The following SHANK2 variants were observed in gnomAD, a reference collection of about 807,000 sequenced individuals.
SHANK2 encodes the protein SH3 and multiple ankyrin repeat domains protein 2.
In SHANK2, 43 loss-of-function variants were observed where a neutral mutation model predicts 133.7. The observed-to-expected ratio is 0.32, with a 90% CI of 0.25 to 0.41. The LOEUF is 0.41. SHANK2 is among the 10% of genes least tolerant of loss of function. The pLI is 1.00. For synonymous variants in SHANK2, 1,017 were observed against 952.8 expected (o/e 1.07, Z -1.24); for missense variants, 1,994 against 2,235.8 (o/e 0.89, Z 2.18).
intron 14 of SHANK2, among the ~76,000 whole-genome samples, chr11:70,736,837 G>A (rs1167001634): frequency 1.3e-5 from 2 of 152,172 alleles, no homozygotes; most frequent in African/African-American, 4.8e-5. Flanking sequence ...ATCTCCCTGG[G>A]GGTGAAGTGG....
intron 14 of SHANK2, among the ~76,000 whole-genome samples, chr11:70,706,456 G>C (rs2134547522): frequency 6.6e-6 from 1 of 152,292 alleles, no homozygotes. Context: ...CTCCAGCTGG[G>C]GATTGCCGAG....
At chr11:70,819,416 G>A (rs3017493) in intron 12 of SHANK2, among the ~76,000 whole-genome samples, 135,865 of 152,302 alleles carry the variant, frequency 0.89, 60,717 homozygotes, top group East Asian at 0.94. Flanking sequence ...GGCTGGAACC[G>A]ACACCAACCC....
intron 17 of SHANK2, among the ~76,000 whole-genome samples, chr11:70,584,690 T>C (rs2060225497): frequency 6.6e-6 from 1 of 152,168 alleles, no homozygotes; most frequent in African/African-American, 2.4e-5. Context: ...TCCCTCTGCC[T>C]CCTAATGGAC....
At chr11:70,742,622 T>G (rs1415964743) in intron 14 of SHANK2, among the ~76,000 whole-genome samples, 1 of 151,974 alleles carries the variant, frequency 6.6e-6, no homozygotes, top group Non-Finnish European at 1.5e-5. Context: ...ATCCAGCACT[T>G]CCCCGCATGA....
intron 11 of SHANK2, among the ~76,000 whole-genome samples, chr11:70,891,426 C>T (rs1006900484): frequency 7.9e-5 from 12 of 152,148 alleles, no homozygotes; most frequent in Middle Eastern, 3.4e-3. Flanking sequence ...GGCGTGAACC[C>T]GGGAGGCGGA....
chr11:71,213,006 G>A (rs188384602), intron 2 of SHANK2, among the ~76,000 whole-genome samples: 27 of 151,978 alleles, frequency 1.8e-4, no homozygotes, highest in African/African-American at 5.3e-4. Context: ...CACAGGGAGA[G>A]GAGCAGGGAC....
intron 6 of SHANK2, among the ~76,000 whole-genome samples, chr11:71,107,872 C>A (rs1354889192): frequency 1.3e-5 from 2 of 152,136 alleles, no homozygotes; most frequent in African/African-American, 2.4e-5. Flanking sequence ...TTACAGGGGG[C>A]ACATCAGGAA....
At chr11:70,546,933 C>T (rs782272446) in intron 17 of SHANK2, among the ~76,000 whole-genome samples, 12 of 152,196 alleles carry the variant, frequency 7.9e-5, no homozygotes, top group East Asian at 1.9e-4. Flanking sequence ...TCCATCTGTG[C>T]GCTTCCGTAT....
At position 70,492,479 on chromosome 11, in the gene SHANK2, G is replaced by A. The variant is rs372703016; in HGVS notation, c.2309-14C>T. The A allele has an allele frequency of 5.5e-5, 89 of 1,613,742 alleles. No homozygotes were observed. Among genetic ancestry groups the A allele is most frequent in the Middle Eastern group, 3.3e-4 (2 of 6,062 alleles). On this transcript the variant is annotated splice_polypyrimidine_tract_variant and intron_variant, in intron 21 of 25. Transcript: ENST00000601538. ...CCTCGGGTTTATCTGCAATAGAACCGTGAGGATTGGAGCAGCAACACCAGT... is the reference window on the plus strand; with the variant it reads ...CCTCGGGTTTATCTGCAATAGAACCATGAGGATTGGAGCAGCAACACCAGT...
chr11:71,089,717 C>G (rs993766477), intron 8 of SHANK2, among the ~76,000 whole-genome samples: 1 of 152,136 alleles, frequency 6.6e-6, no homozygotes, highest in Non-Finnish European at 1.5e-5. Context: ...CAGGAGACCT[C>G]TTGGGGACCC....
intron 15 of SHANK2, among the ~76,000 whole-genome samples, chr11:70,683,397 T>C (rs1448555729): frequency 6.6e-6 from 1 of 152,214 alleles, no homozygotes; most frequent in Non-Finnish European, 1.5e-5. Flanking sequence ...TCCGTGCTGC[T>C]TTTAACACTT....
intron 2 of SHANK2, among the ~76,000 whole-genome samples, chr11:71,168,244 G>T (rs1418332474): frequency 1.5e-5 from 2 of 135,436 alleles, no homozygotes; most frequent in Non-Finnish European, 3.2e-5. Flanking sequence ...GGGCAGAGAC[G>T]CTCCTCACTT....
intron 11 of SHANK2, among the ~76,000 whole-genome samples, chr11:70,862,243 G>A (rs1284820534): frequency 2.0e-5 from 3 of 152,330 alleles, no homozygotes; most frequent in Middle Eastern, 3.4e-3. Context: ...CTGCAAACCT[G>A]CTGCGATTAA....
chr11:70,922,888 C>T (rs909122334), intron 10 of SHANK2, among the ~76,000 whole-genome samples: 2 of 151,840 alleles, frequency 1.3e-5, no homozygotes, highest in Non-Finnish European at 1.5e-5. Flanking sequence ...ATACAACATC[C>T]CCTATACTTT....
chr11:70,870,411 T>C (rs1181395798), intron 11 of SHANK2, among the ~76,000 whole-genome samples: 3 of 152,056 alleles, frequency 2.0e-5, no homozygotes, highest in African/African-American at 4.8e-5. Context: ...AGGAAGGTTT[T>C]TGGGTTTTCA....
chr11:70,933,244 C>G lies in SHANK2; in HGVS notation c.1108-36677G>C, dbSNP rs575471889. On this transcript the variant is annotated intron_variant, in intron 10 of 25. Transcript: ENST00000601538. ...ATGGAGGAACCTTGAGGACACTGTA[C>G]TGAGTGAAATAAACCAGTCACAAAA... 101 of 455,986 alleles carry G rather than the reference C, an allele frequency of 2.2e-4. 1 individual carries two copies. The highest frequency in any genetic ancestry group is 3.9e-4 in the Non-Finnish European group (88 of 226,984). 28.2% of individuals were successfully genotyped at this position (455,986 alleles called of 1,614,324 possible).
chr11:71,234,165 G>C (rs1269802058), intron 1 of SHANK2, among the ~76,000 whole-genome samples: 1 of 112,876 alleles, frequency 8.9e-6, no homozygotes, highest in African/African-American at 3.6e-5. Context: ...GGCCAACATA[G>C]TGAAACTCCC....
chr11:70,889,599 G>A (rs1332966077), intron 11 of SHANK2, among the ~76,000 whole-genome samples: 12 of 152,208 alleles, frequency 7.9e-5, no homozygotes, highest in African/African-American at 1.9e-4. Flanking sequence ...ATTTGAAACC[G>A]CAGTTCCAGA....
intron 14 of SHANK2, among the ~76,000 whole-genome samples, chr11:70,794,568 A>G (rs1233028209): frequency 2.6e-5 from 4 of 152,100 alleles, no homozygotes; most frequent in Admixed American, 2.6e-4. Flanking sequence ...TATTTTATAT[A>G]TTTTTTGAGA....
Sources: allele counts gnomAD v4.1 joint callset (sites outside exome capture counted in the v4.1 genomes callset), GRCh38; gene constraint gnomAD v4.1.1; transcripts MANE v1.5; gene names NCBI Gene and HGNC (gene_info 2026-07-23, HGNC 2026-07-21).